The following ELMO1 variants were observed in gnomAD, a reference collection of about 807,000 sequenced individuals.
The protein encoded by ELMO1 is engulfment and cell motility protein 1.
ELMO1 carries 26 observed loss-of-function variants against 98.9 expected under a neutral mutation model. The ratio of observed to expected loss-of-function variants is 0.26; its 90% CI spans 0.19 to 0.36. ELMO1 has a LOEUF of 0.36. ELMO1 is among the 10% of genes least tolerant of loss of function. ELMO1 has a pLI of 1.00. For missense variants in ELMO1, 627 were observed against 935.2 expected, an observed-to-expected ratio of 0.67 and a Z score of 4.30; for synonymous variants, 346 against 346.0, an observed-to-expected ratio of 1.00 and a Z score of 0.00.
intron 15 of ELMO1, among the ~76,000 whole-genome samples, chr7:37,070,551 C>T (rs1317744737): frequency 2.0e-5 from 3 of 152,146 alleles, no homozygotes; most frequent in Non-Finnish European, 4.4e-5. Context: ...TCTGGGATAA[C>T]AGCTGTAAAT....
chr7:37,316,568 A>G (rs917805066), intron 2 of ELMO1, among the ~76,000 whole-genome samples: 40 of 152,304 alleles, frequency 2.6e-4, no homozygotes, highest in Admixed American at 1.5e-3. Context: ...GGGTGACTAC[A>G]GCTGTTCTGT....
chr7:37,253,162 A>G (rs1041837666), intron 6 of ELMO1, among the ~76,000 whole-genome samples: 6 of 152,236 alleles, frequency 3.9e-5, no homozygotes, highest in Non-Finnish European at 8.8e-5. Flanking sequence ...TGTGGAAGAC[A>G]GTCTGGTGAT....
chr7:36,967,110 A>C (rs144525606), intron 16 of ELMO1, among the ~76,000 whole-genome samples: 1 of 152,212 alleles, frequency 6.6e-6, no homozygotes, highest in African/African-American at 2.4e-5. Flanking sequence ...TCTGGTCTCT[A>C]TTCTTTTTAG....
chr7:36,996,920 A>G (rs374439809), intron 16 of ELMO1, among the ~76,000 whole-genome samples: 11 of 152,306 alleles, frequency 7.2e-5, no homozygotes, highest in East Asian at 3.9e-4. Context: ...TGTTTGGAAG[A>G]GTGGTTTAGG....
intron 14 of ELMO1, among the ~76,000 whole-genome samples, chr7:37,127,208 C>G (rs1278962301): frequency 1.3e-5 from 2 of 152,170 alleles, no homozygotes; most frequent in African/African-American, 4.8e-5. Flanking sequence ...CCCACTTATT[C>G]CTTAAAATAG....
chr7:37,310,220 G>A (rs1256740401), intron 4 of ELMO1, among the ~76,000 whole-genome samples: 5 of 152,188 alleles, frequency 3.3e-5, no homozygotes, highest in South Asian at 4.1e-4. Context: ...AGACATTAGC[G>A]ATACATCACT....
intron 4 of ELMO1, among the ~76,000 whole-genome samples, chr7:37,302,202 T>C (rs960512358): frequency 6.6e-6 from 1 of 152,134 alleles, no homozygotes; most frequent in Non-Finnish European, 1.5e-5. Flanking sequence ...TGAAGTGCAG[T>C]GGCTATTCAC....
intron 4 of ELMO1, among the ~76,000 whole-genome samples, chr7:37,279,000 G>A (rs541220587): frequency 4.3e-4 from 65 of 152,236 alleles, no homozygotes; most frequent in Non-Finnish European, 7.2e-4. Context: ...AGGAGTTCGA[G>A]AGCAGCCTGG....
chr7:36,866,873 G>A lies in ELMO1; in HGVS notation c.1905+3520C>T, dbSNP rs3807161. ...CCAGAAGTCCCAGAGGTAGACAGGA[G>A]GGCACCTCTGGAGTACGGGGAAAGG... On this transcript the variant is annotated intron_variant, in intron 20 of 21. Transcript: ENST00000310758. Among the ~76,000 whole-genome samples the A allele has an allele frequency of 4.6e-3, 697 of 152,266 alleles. 19 individuals are homozygous for A. In the East Asian group the frequency reaches 0.077, roughly 17 times the overall value.
chr7:37,176,978 G>A (rs990331752), intron 13 of ELMO1, among the ~76,000 whole-genome samples: 2 of 152,140 alleles, frequency 1.3e-5, no homozygotes, highest in Non-Finnish European at 2.9e-5. Context: ...TGCTTAGGAA[G>A]GACTGTAGAT....
At chr7:36,994,086 T>C (rs1792042856) in intron 16 of ELMO1, among the ~76,000 whole-genome samples, 1 of 152,250 alleles carries the variant, frequency 6.6e-6, no homozygotes, top group South Asian at 2.1e-4. Context: ...GTGCCTGAGA[T>C]AATGCAATTT....
chr7:37,398,549 G>A (rs1259360074), intron 1 of ELMO1, among the ~76,000 whole-genome samples: 1 of 152,108 alleles, frequency 6.6e-6, no homozygotes, highest in African/African-American at 2.4e-5. Flanking sequence ...TAGATTCCTG[G>A]ACACTTGAAA....
chr7:36,853,262 T>A lies in ELMO1; in HGVS notation c.*2289A>T, dbSNP rs1439886045. On this transcript the variant is annotated 3_prime_UTR_variant, in exon 22 of 22. Coordinates refer to ENST00000310758, the MANE Select transcript of ELMO1 (RefSeq NM_014800.11). ...CTGCCTTTCATAGTCCTGAAAAGGT[T>A]TCTTTCTATTAAATGCACCAAAGCT... Among the ~76,000 whole-genome samples the A allele has an allele frequency of 6.6e-6, 1 of 152,148 alleles. No homozygotes were observed. The highest frequency in any genetic ancestry group is 1.5e-5 in the Non-Finnish European group (1 of 68,030).
chr7:36,936,006 C>T (rs376710233), intron 16 of ELMO1, among the ~76,000 whole-genome samples: 2 of 152,256 alleles, frequency 1.3e-5, no homozygotes, highest in African/African-American at 4.8e-5. Flanking sequence ...TAAGAGGACC[C>T]TGTTTTATTC....
chr7:37,192,760 C>T (rs1380882394), intron 13 of ELMO1, among the ~76,000 whole-genome samples: 6 of 139,500 alleles, frequency 4.3e-5, no homozygotes, highest in Non-Finnish European at 6.1e-5. Context: ...ATTGCACCAC[C>T]GCACTCCAGC....
chr7:36,948,602 C>T (rs1210161895), intron 16 of ELMO1, among the ~76,000 whole-genome samples: 2 of 152,186 alleles, frequency 1.3e-5, no homozygotes, highest in Non-Finnish European at 2.9e-5. Flanking sequence ...GACCTCTTGA[C>T]TGTGTGCCAG....
intron 1 of ELMO1, among the ~76,000 whole-genome samples, chr7:37,448,431 C>T (rs1357147062): frequency 1.3e-5 from 2 of 152,070 alleles, no homozygotes. Context: ...TCCCGCCATC[C>T]CCGGAGCTCA....
intron 4 of ELMO1, among the ~76,000 whole-genome samples, chr7:37,276,627 T>C (rs575242083): frequency 6.6e-6 from 1 of 152,118 alleles, no homozygotes; most frequent in Non-Finnish European, 1.5e-5. Context: ...TAAAATAAAA[T>C]AAAACACATA....
chr7:36,935,036 G>A (rs1170500575), intron 16 of ELMO1, among the ~76,000 whole-genome samples: 3 of 152,184 alleles, frequency 2.0e-5, no homozygotes, highest in African/African-American at 7.2e-5. Flanking sequence ...TATTGCCTTT[G>A]ATATGGTTTG....
Sources: allele counts gnomAD v4.1 joint callset (sites outside exome capture counted in the v4.1 genomes callset), GRCh38; gene constraint gnomAD v4.1.1; transcripts MANE v1.5; gene names NCBI Gene and HGNC (gene_info 2026-07-23, HGNC 2026-07-21).